The following CEMIP variants were observed in gnomAD, a reference collection of about 807,000 sequenced individuals.
CEMIP encodes the protein cell migration-inducing and hyaluronan-binding protein.
Under a neutral mutation model 156.9 loss-of-function variants are expected in CEMIP, and 105 were observed. That is an observed-to-expected ratio of 0.67 (90% CI 0.57 to 0.79). CEMIP has a LOEUF of 0.79. CEMIP is among the 30% of genes least tolerant of loss of function. The pLI is 0.00. For missense variants in CEMIP, 1,457 were observed against 1,769.4 expected (o/e 0.82, Z 3.17); for synonymous variants, 676 against 668.4 (o/e 1.01, Z -0.17).
At chr15:80,921,316 T>G (rs1399539283) in intron 16 of CEMIP, among the ~76,000 whole-genome samples, 1 of 152,224 alleles carries the variant, frequency 6.6e-6, no homozygotes, top group African/African-American at 2.4e-5. Flanking sequence ...GCCCTGTCAC[T>G]TCATAATACT....
chr15:80,915,333 G>A (rs1900230474), intron 14 of CEMIP, among the ~76,000 whole-genome samples: 1 of 152,272 alleles, frequency 6.6e-6, no homozygotes, highest in Non-Finnish European at 1.5e-5. Flanking sequence ...CCCAAAGTCA[G>A]TCTGGCCTAC....
chr15:80,885,291 G>A (rs567911264), intron 7 of CEMIP, among the ~76,000 whole-genome samples: 1 of 152,314 alleles, frequency 6.6e-6, no homozygotes, highest in Non-Finnish European at 1.5e-5. Flanking sequence ...TTGGAGCAAA[G>A]CAATTTTGCT....
At chr15:80,882,887 C>G (rs1450211218) in intron 6 of CEMIP, among the ~76,000 whole-genome samples, 1 of 151,992 alleles carries the variant, frequency 6.6e-6, no homozygotes, top group Non-Finnish European at 1.5e-5. Context: ...TGATCAGGTA[C>G]AGAAAAGGTG....
At chr15:80,858,449 C>T (rs954183012) in intron 1 of CEMIP, among the ~76,000 whole-genome samples, 11 of 152,010 alleles carry the variant, frequency 7.2e-5, no homozygotes, top group African/African-American at 2.7e-4. Context: ...CTTGGTGGCT[C>T]ACGCCTGTAA....
chr15:80,900,689 G>A (rs1366339461), intron 12 of CEMIP: 1 of 285,308 alleles, frequency 3.5e-6, no homozygotes. Flanking sequence ...TTTTGTGTGT[G>A]TATTTTGTGT....
intron 1 of CEMIP, among the ~76,000 whole-genome samples, chr15:80,860,494 T>C (rs1228790098): frequency 6.6e-6 from 1 of 152,212 alleles, no homozygotes; most frequent in Non-Finnish European, 1.5e-5. Context: ...AAGCCATGGA[T>C]GGGATGAGAA....
chr15:80,831,257 A>G (rs555788268), intron 1 of CEMIP, among the ~76,000 whole-genome samples: 81 of 152,298 alleles, frequency 5.3e-4, no homozygotes, highest in Admixed American at 1.2e-3. Flanking sequence ...TGTGAATTAT[A>G]GAACAGGAGC....
At chr15:80,793,443 T>C (rs1038756592) in intron 1 of CEMIP, among the ~76,000 whole-genome samples, 2 of 152,320 alleles carry the variant, frequency 1.3e-5, no homozygotes, top group East Asian at 1.9e-4. Flanking sequence ...GTGGTTACCA[T>C]TGAATGGTGG....
At chr15:80,836,497 G>A (rs1337567537) in intron 1 of CEMIP, among the ~76,000 whole-genome samples, 3 of 152,218 alleles carry the variant, frequency 2.0e-5, no homozygotes, top group Admixed American at 6.5e-5. Flanking sequence ...AGGGAAGGAC[G>A]GCTTGGAGAC....
chr15:80,828,948 A>G (rs890613275), intron 1 of CEMIP, among the ~76,000 whole-genome samples: 2 of 152,240 alleles, frequency 1.3e-5, no homozygotes, highest in Non-Finnish European at 2.9e-5. Flanking sequence ...CTCATCTGCA[A>G]CTGGCAACAA....
chr15:80,801,516 T>C (rs1022318542), intron 1 of CEMIP, among the ~76,000 whole-genome samples: 5 of 152,218 alleles, frequency 3.3e-5, no homozygotes, highest in Admixed American at 6.5e-5. Context: ...CAAAACCCAA[T>C]GGCACACCAG....
intron 12 of CEMIP, chr15:80,897,128 G>C: frequency 3.0e-6 from 1 of 337,538 alleles, no homozygotes; most frequent in South Asian, 2.5e-5. Context: ...CCAGAAGAAA[G>C]GGGAATCAGA....
chr15:80,900,172 G>A (rs1000249623), intron 12 of CEMIP, among the ~76,000 whole-genome samples: 2 of 152,194 alleles, frequency 1.3e-5, no homozygotes, highest in Non-Finnish European at 2.9e-5. Context: ...GCCGAGGGTG[G>A]CCCTGAGAAT....
chr15:80,908,989 G>A, intron 13 of CEMIP, 108 bp from the exon 14 acceptor site: 1 of 1,026,608 alleles, frequency 9.7e-7, no homozygotes, highest in Non-Finnish European at 1.5e-6. Flanking sequence ...AGTACTAAGT[G>A]GAGACTGACA....
chr15:80,802,270 A>G (rs1460297037), intron 1 of CEMIP, among the ~76,000 whole-genome samples: 1 of 152,230 alleles, frequency 6.6e-6, no homozygotes, highest in Non-Finnish European at 1.5e-5. Flanking sequence ...AAGGCGGGAA[A>G]GGGACATATG....
chr15:80,817,244 G>C (rs546156940), intron 1 of CEMIP, among the ~76,000 whole-genome samples: 1 of 152,062 alleles, frequency 6.6e-6, no homozygotes, highest in Admixed American at 6.5e-5. Context: ...TGAGGAGAAA[G>C]TTGCTCAAAT....
At chr15:80,923,361 G>A (rs1466766518) in intron 17 of CEMIP, among the ~76,000 whole-genome samples, 4 of 152,180 alleles carry the variant, frequency 2.6e-5, no homozygotes, top group Non-Finnish European at 2.9e-5. Flanking sequence ...GGGGCATACT[G>A]CTGTTGGTGG....
intron 1 of CEMIP, among the ~76,000 whole-genome samples, chr15:80,862,700 ATGAGGAGCAGGGG>A (rs1379991477): frequency 3.3e-5 from 5 of 152,180 alleles, no homozygotes; most frequent in African/African-American, 1.2e-4. Flanking sequence ...CAGCAGGTGG[ATGAGGAGCAGGGG>A]TGGAGATGGA....
At chr15:80,831,495 C>T (rs985711090) in intron 1 of CEMIP, among the ~76,000 whole-genome samples, 30 of 152,188 alleles carry the variant, frequency 2.0e-4, no homozygotes, top group African/African-American at 6.5e-4. Context: ...GGATGCACAG[C>T]GTGTTGGCTC....
Sources: allele counts gnomAD v4.1 joint callset (sites outside exome capture counted in the v4.1 genomes callset), GRCh38; gene constraint gnomAD v4.1.1; transcripts MANE v1.5; gene names NCBI Gene and HGNC (gene_info 2026-07-23, HGNC 2026-07-21).